NPRL3: variants seen among roughly 807,000 people sequenced by gnomAD.
The protein encoded by NPRL3 is NPR3 like, GATOR1 complex subunit.
NPRL3 carries 23 observed loss-of-function variants against 57.2 expected under a neutral mutation model. The observed-to-expected ratio is 0.40, with a 90% CI of 0.29 to 0.57. The LOEUF is 0.57. Among genes scored for constraint, NPRL3 ranks in the 20% least tolerant of loss-of-function variants. The pLI is 0.42. For missense variants in NPRL3, 691 were observed against 767.1 expected (o/e 0.90, Z 1.17); for synonymous variants, 333 against 321.1 (o/e 1.04, Z -0.39).
Position 92,989 on chromosome 16 carries a change from G to A in NPRL3, c.1031+230C>T, listed in dbSNP as rs542896952. The A allele has an allele frequency of 8.4e-4, 518 of 614,500 alleles. 7 individuals are homozygous for A. In the South Asian group the frequency reaches 9.7e-3, roughly 11 times the overall value. The allele number at this position is 614,500 out of a possible 1,614,324, so 38.1% of individuals were successfully genotyped here. A position where few individuals can be genotyped will look rare whatever the true frequency, so the allele number is the denominator to read the frequency against. On this transcript the variant is annotated intron_variant, in intron 10 of 13. Transcript: ENST00000611875. Reference sequence around the variant, plus strand: ...GTGGATTAGAAGAGCCAGCCTGGAGGAGGGGGCCAGGCATATGGGGGACAC... The same window carrying A: ...GTGGATTAGAAGAGCCAGCCTGGAGAAGGGGGCCAGGCATATGGGGGACAC...
At chr16:129,768 A>G (rs1900705707) in intron 3 of NPRL3, among the ~76,000 whole-genome samples, 1 of 152,204 alleles carries the variant, frequency 6.6e-6, no homozygotes, top group South Asian at 2.1e-4. Flanking sequence ...GCAAAGGCCC[A>G]GCATAGGGAT....
At position 127,333 on chromosome 16, in the gene NPRL3, T is replaced by C. The variant is rs118146744; in HGVS notation, c.188+3189A>G. ...GGCATGATCTCGGCTCACTGCAAGCTCCATGTCCTGGGCTCCCTCAGCCTC... is the reference window on the plus strand; with the variant it reads ...GGCATGATCTCGGCTCACTGCAAGCCCCATGTCCTGGGCTCCCTCAGCCTC... On this transcript the variant is annotated intron_variant, in intron 3 of 13. Transcript: ENST00000611875. 7.0e-4 allele frequency: 102 copies of C among 145,928 alleles called. 2 individuals carry two copies. The East Asian group carries it at 0.02, about 28-fold the overall frequency. 9.0% of individuals were successfully genotyped at this position (145,928 alleles called of 1,614,324 possible).
intron 3 of NPRL3, among the ~76,000 whole-genome samples, chr16:124,588 G>A (rs1198575759): frequency 6.6e-6 from 1 of 152,124 alleles, no homozygotes; most frequent in Non-Finnish European, 1.5e-5. Context: ...AGAGGCAAAA[G>A]CCTTCTGAAA....
In NPRL3 at chr16:134,553, G is replaced by C. The variant is rs551320195; in HGVS notation, c.118+3597C>G. On this transcript the variant is annotated intron_variant, in intron 2 of 13. Coordinates refer to ENST00000611875, the MANE Select transcript of NPRL3 (RefSeq NM_001077350.3). ...CAAAGCTACCTACACCAAGAGCTTG[G>C]GAGTGGGACCTAATGCACTTGATGC... is the stretch of plus-strand genomic sequence containing the variant. Among the ~76,000 whole-genome samples the C allele has an allele frequency of 2.4e-3, 371 of 152,142 alleles. 2 individuals are homozygous for C. The highest frequency in any genetic ancestry group is 1.4e-3 in the Non-Finnish European group (97 of 68,006).
intron 7 of NPRL3, among the ~76,000 whole-genome samples, chr16:102,924 CGTA>C (rs1555441835): frequency 6.6e-6 from 1 of 152,038 alleles, no homozygotes; most frequent in Non-Finnish European, 1.5e-5. Flanking sequence ...GTGAAAAACT[CGTA>C]TCAAACCCTG....
intron 2 of NPRL3, among the ~76,000 whole-genome samples, chr16:136,083 T>C (rs967253253): frequency 2.0e-5 from 3 of 152,228 alleles, no homozygotes; most frequent in African/African-American, 7.2e-5. Context: ...AAATATGCTC[T>C]TTATCCCTTA....
chr16:86,915 C>T (rs1391428718), intron 13 of NPRL3, 45 bp from the exon 14 acceptor site: 3 of 1,578,880 alleles, frequency 1.9e-6, no homozygotes, highest in African/African-American at 1.3e-5. Context: ...CACCAGCCCC[C>T]AGAGGCCTCT....
At position 86,877 on chromosome 16, in the gene NPRL3, G is replaced by T; in HGVS notation, c.1545-7C>A. On this transcript the variant is annotated splice_region_variant and splice_polypyrimidine_tract_variant and intron_variant, in intron 13 of 13. Coordinates refer to ENST00000611875, the MANE Select transcript of NPRL3 (RefSeq NM_001077350.3). ...GCGGAAGTAGTGAAGGAGCCTGGAA[G>T]GGATGGGTGGGTGTGAGCCCAACCT... 1 of 1,611,454 alleles carries T rather than the reference G, an allele frequency of 6.2e-7. No individual in the cohort carries two copies. The highest frequency in any genetic ancestry group is 1.3e-5 in the African/African-American group (1 of 75,048).
chr16:92,479 C>A (rs926541199), intron 11 of NPRL3, 117 bp downstream of exon 11: 3 of 1,335,826 alleles, frequency 2.2e-6, no homozygotes, highest in Non-Finnish European at 3.1e-6. Flanking sequence ...GCCCCCAAAA[C>A]CAAGGAGAAG....
intron 7 of NPRL3, 24 bp from the exon 8 acceptor site, chr16:100,533 C>T: frequency 6.6e-7 from 1 of 1,519,200 alleles, no homozygotes; most frequent in African/African-American, 1.4e-5. Context: ...GCGCTGTTAC[C>T]CGTTCACATA....
Position 85,855 on chromosome 16 carries a change from T to C in NPRL3, c.*850A>G. On this transcript the variant is annotated 3_prime_UTR_variant, in exon 14 of 14. Transcript: ENST00000611875. The stretch of plus-strand genomic sequence containing the variant: ...GTTTTATTTCTAGAAAACTGTGCCT[T>C]AGCCAGAGCTCCTCTAGGTGATCAA... The C allele has an allele frequency of 7.3e-7, 1 of 1,369,886 alleles. No individual in the cohort carries two copies. Among genetic ancestry groups the C allele is most frequent in the Non-Finnish European group, 9.5e-7 (1 of 1,057,092 alleles). The allele number at this position is 1,369,886 out of a possible 1,614,324, so 84.9% of individuals were successfully genotyped here.
At position 88,857 on chromosome 16, in the gene NPRL3, C is replaced by T; in HGVS notation, c.1385G>A (p.Ser462Asn). Residue 462 changes from serine to asparagine, a missense_variant, in exon 13 of 14, where the codon AGC becomes AAC. Ser to Asn is a conservative substitution (Grantham distance 46). Transcript: ENST00000611875. ...SSDDMTLTSP[S>N]MDNSSAELLP... Reference sequence around the variant, plus strand: ...TAGCTCTGCGCTGGAGTTGTCCATGCTGGGGCTGGTGAGGGTCATGTCATC... The same window carrying T: ...TAGCTCTGCGCTGGAGTTGTCCATGTTGGGGCTGGTGAGGGTCATGTCATC... 1 of 1,613,592 alleles carries T rather than the reference C, an allele frequency of 6.2e-7. No homozygotes were observed. The highest frequency in any genetic ancestry group is 1.1e-5 in the South Asian group (1 of 91,052).
At chr16:96,559 C>T (rs996727712) in intron 9 of NPRL3, among the ~76,000 whole-genome samples, 1 of 151,108 alleles carries the variant, frequency 6.6e-6, no homozygotes, top group Non-Finnish European at 1.5e-5. Context: ...GCCTGTAATA[C>T]CAGCCCTTTA....
chr16:133,505 C>T lies in NPRL3; in HGVS notation c.119-2914G>A, dbSNP rs1041350219. Among the ~76,000 whole-genome samples the T allele has an allele frequency of 3.3e-5, 5 of 150,600 alleles. No homozygotes were observed. The South Asian group carries it at 6.3e-4, about 19-fold the overall frequency. The stretch of plus-strand genomic sequence containing the variant: ...TCGGCTTCCCAAAGTGCTAGGATTA[C>T]AGGCATGAGCCACTGTGCCTAGCGT... On this transcript the variant is annotated intron_variant, in intron 2 of 13. Transcript: ENST00000611875.
chr16:104,620 C>T (rs1899451553), intron 7 of NPRL3, among the ~76,000 whole-genome samples: 1 of 152,236 alleles, frequency 6.6e-6, no homozygotes, highest in African/African-American at 2.4e-5. Flanking sequence ...GTTCCTCTAA[C>T]TTCCACGTGG....
chr16:87,948 C>G (rs1443697333), intron 13 of NPRL3, among the ~76,000 whole-genome samples: 1 of 151,098 alleles, frequency 6.6e-6, no homozygotes, highest in Non-Finnish European at 1.5e-5. Context: ...CAGGCTGGCA[C>G]AGAGGAGGCT....
At chr16:93,192 C>T (rs762874741) in intron 10 of NPRL3, 27 bp downstream of exon 10, 8 of 1,463,496 alleles carry the variant, frequency 5.5e-6, no homozygotes, top group African/African-American at 1.4e-5. Flanking sequence ...CTCGGGGCTC[C>T]AGGCTCTGGC....
At chr16:103,296 A>ATTTTTTCTTTTTTTTTTTTTT (rs1899381750) in intron 7 of NPRL3, among the ~76,000 whole-genome samples, 1 of 42,126 alleles carries the variant, frequency 2.4e-5, no homozygotes, top group Admixed American at 3.2e-4. Context: ...GCCTGGGGTG[A>ATTTTTTCTTTTTTTTTTTTTT]TTTTTTTTTT....
intron 9 of NPRL3, among the ~76,000 whole-genome samples, chr16:97,042 T>C (rs1233611153): frequency 6.6e-6 from 1 of 152,214 alleles, no homozygotes; most frequent in Admixed American, 6.5e-5. Flanking sequence ...CTCACGCCTG[T>C]GTTCCTCGGC....
Sources: gnomAD v4.1 joint callset for allele counts (sites outside exome capture counted in the v4.1 genomes callset) on GRCh38, gnomAD v4.1.1 for gene constraint, MANE v1.5 for transcripts, NCBI Gene and HGNC (gene_info 2026-07-23, HGNC 2026-07-21) for gene names.